The following L3MBTL4 variants were observed in gnomAD, a reference collection of about 807,000 sequenced individuals.
L3MBTL4 encodes the protein L3MBTL histone methyl-lysine binding protein 4.
L3MBTL4 carries 70 observed loss-of-function variants against 84.5 expected under a neutral mutation model. The ratio of observed to expected loss-of-function variants is 0.83; its 90% CI spans 0.68 to 1.01. The LOEUF (loss-of-function observed/expected upper bound fraction) is 1.01, where lower values mean the gene tolerates loss of function less well. L3MBTL4 is among the 50% of genes least tolerant of loss of function. The probability of loss-of-function intolerance (pLI) is 0.00; values close to 1 mark genes in which losing one functional copy is unlikely to be tolerated. For missense variants in L3MBTL4, 715 were observed against 754.8 expected (o/e 0.95, Z 0.62); for synonymous variants, 274 against 259.8 (o/e 1.05, Z -0.52).
chr18:5,999,116 C>T (rs1317480098), intron 16 of L3MBTL4, among the ~76,000 whole-genome samples: 1 of 152,210 alleles, frequency 6.6e-6, no homozygotes, highest in East Asian at 1.9e-4. Flanking sequence ...TTCTTTCTGT[C>T]TCAGATGTGT....
intron 1 of L3MBTL4, among the ~76,000 whole-genome samples, chr18:6,347,275 T>A (rs1315910148): frequency 1.3e-5 from 2 of 151,912 alleles, no homozygotes; most frequent in Non-Finnish European, 2.9e-5. Flanking sequence ...TTAGCTACTA[T>A]AACTAACAAT....
chr18:6,159,510 A>C (rs1395815913), intron 13 of L3MBTL4, among the ~76,000 whole-genome samples: 1 of 152,020 alleles, frequency 6.6e-6, no homozygotes, highest in Non-Finnish European at 1.5e-5. Context: ...GAATCGAAAC[A>C]CCTCTCCTGC....
At chr18:6,308,588 A>G (rs2050693798) in intron 3 of L3MBTL4, among the ~76,000 whole-genome samples, 1 of 152,242 alleles carries the variant, frequency 6.6e-6, no homozygotes, top group African/African-American at 2.4e-5. Context: ...CATTCATAAA[A>G]TGAAATACTA....
At chr18:6,307,987 G>A (rs112195989) in intron 3 of L3MBTL4, among the ~76,000 whole-genome samples, 3,010 of 152,086 alleles carry the variant, frequency 0.02, 35 homozygotes, top group Middle Eastern at 0.031. Flanking sequence ...GGTTTTGTGC[G>A]CAGAACGCTT....
At chr18:6,111,850 CAATT>C (rs2059206067) in intron 14 of L3MBTL4, among the ~76,000 whole-genome samples, 1 of 152,052 alleles carries the variant, frequency 6.6e-6, no homozygotes, top group Non-Finnish European at 1.5e-5. Flanking sequence ...ATGGTGATAA[CAATT>C]AAAATCTACT....
At chr18:6,312,671 CTAA>C (rs2050895509) in intron 1 of L3MBTL4, among the ~76,000 whole-genome samples, 2 of 152,192 alleles carry the variant, frequency 1.3e-5, no homozygotes, top group Non-Finnish European at 2.9e-5. Context: ...TACTTCTGGG[CTAA>C]TGTCTGAGCC....
At chr18:6,134,907 G>A (rs942509068) in intron 14 of L3MBTL4, among the ~76,000 whole-genome samples, 15 of 152,148 alleles carry the variant, frequency 9.9e-5, no homozygotes, top group Non-Finnish European at 1.8e-4. Flanking sequence ...GTAGGGACTC[G>A]GTGTGGGGGC....
rs76567541 is a variant in L3MBTL4, at chr18:6,033,348, C to G, written c.1444+47533G>C. Among the ~76,000 whole-genome samples, 923 of 152,180 alleles carry G rather than the reference C, an allele frequency of 6.1e-3. 13 individuals are homozygous for G. Among genetic ancestry groups the G allele is most frequent in the African/African-American group, 0.02 (851 of 41,542 alleles). ...CCTTTTCCATCTTTTTATTTTTAAT[C>G]TCTTGTGTCTTTGGATCTAAAGTGA... On this transcript the variant is annotated intron_variant, in intron 16 of 18. Coordinates refer to ENST00000317931, the MANE Select transcript of L3MBTL4 (RefSeq NM_001330559.2).
chr18:6,074,269 G>T (rs1256179594), intron 16 of L3MBTL4, among the ~76,000 whole-genome samples: 3 of 152,154 alleles, frequency 2.0e-5, no homozygotes, highest in Non-Finnish European at 4.4e-5. Flanking sequence ...GTTTACATTC[G>T]ATTAGAATTT....
At chr18:6,355,933 G>A (rs907281834) in intron 1 of L3MBTL4, among the ~76,000 whole-genome samples, 4 of 151,948 alleles carry the variant, frequency 2.6e-5, no homozygotes, top group Admixed American at 2.6e-4. Flanking sequence ...TTCATCCCCA[G>A]CAGGGTTGGT....
At chr18:6,308,471 A>G (rs1027367454) in intron 3 of L3MBTL4, among the ~76,000 whole-genome samples, 1 of 152,220 alleles carries the variant, frequency 6.6e-6, no homozygotes, top group Non-Finnish European at 1.5e-5. Context: ...ATTCACGTAT[A>G]AAAAGGATAT....
At chr18:6,146,579 C>A (rs2042663623) in intron 13 of L3MBTL4, among the ~76,000 whole-genome samples, 1 of 152,140 alleles carries the variant, frequency 6.6e-6, no homozygotes, top group African/African-American at 2.4e-5. Flanking sequence ...AAGGTGTGAG[C>A]AAGCCTGATG....
chr18:6,271,184 A>T (rs2048851465), intron 4 of L3MBTL4, among the ~76,000 whole-genome samples: 1 of 152,200 alleles, frequency 6.6e-6, no homozygotes, highest in Admixed American at 6.5e-5. Context: ...ACCATGGTGA[A>T]TGTGGTTAAT....
Position 6,063,624 on chromosome 18 carries a change from CAT to C in L3MBTL4, c.1444+17255_1444+17256del, listed in dbSNP as rs1190081453. Among the ~76,000 whole-genome samples the C allele has an allele frequency of 2.0e-5, 3 of 151,284 alleles. No individual in the cohort carries two copies. The East Asian group carries it at 5.8e-4, about 29-fold the overall frequency. ...TGATTAGTGATATTGAGCATTTTTT[CAT>C]ATGTCTGTTGGCAGTTTGTATGTCT... On this transcript the variant is annotated intron_variant, in intron 16 of 18. Coordinates refer to ENST00000317931, the MANE Select transcript of L3MBTL4 (RefSeq NM_001330559.2).
chr18:6,160,080 G>A (rs538466945), intron 13 of L3MBTL4, among the ~76,000 whole-genome samples: 3 of 152,308 alleles, frequency 2.0e-5, no homozygotes, highest in African/African-American at 7.2e-5. Context: ...CTGGGGGGCT[G>A]CCCTGCTGGT....
intron 13 of L3MBTL4, among the ~76,000 whole-genome samples, chr18:6,145,959 C>A (rs7242406): frequency 0.038 from 5,857 of 152,146 alleles, 394 homozygotes; most frequent in African/African-American, 0.13. Flanking sequence ...AAGGAAGAGA[C>A]AGTGAGTGGG....
chr18:6,403,096 G>A (rs965803409), intron 1 of L3MBTL4, among the ~76,000 whole-genome samples: 5 of 152,340 alleles, frequency 3.3e-5, no homozygotes, highest in Non-Finnish European at 5.9e-5. Flanking sequence ...ATGTGGGACA[G>A]TTCTTCACAG....
chr18:6,061,965 C>T (rs1298941132), intron 16 of L3MBTL4, among the ~76,000 whole-genome samples: 2 of 151,918 alleles, frequency 1.3e-5, no homozygotes, highest in Non-Finnish European at 2.9e-5. Flanking sequence ...AAGCTATACT[C>T]ACCTAATTAA....
At chr18:6,194,418 C>A (rs1254988375) in intron 12 of L3MBTL4, among the ~76,000 whole-genome samples, 1 of 152,160 alleles carries the variant, frequency 6.6e-6, no homozygotes, top group Non-Finnish European at 1.5e-5. Flanking sequence ...GCCACCATCA[C>A]AGCCGTCGTT....
Sources: gnomAD v4.1 joint callset for allele counts (sites outside exome capture counted in the v4.1 genomes callset) on GRCh38, gnomAD v4.1.1 for gene constraint, MANE v1.5 for transcripts, NCBI Gene and HGNC (gene_info 2026-07-23, HGNC 2026-07-21) for gene names.